Variants in ALDH1L2 observed in about 807,000 individuals in gnomAD.
The protein encoded by ALDH1L2 is aldehyde dehydrogenase 1 family member L2.
In ALDH1L2, 91 loss-of-function variants were observed where a neutral mutation model predicts 111.0. The observed-to-expected ratio is 0.82, with a 90% CI of 0.69 to 0.98. The LOEUF (loss-of-function observed/expected upper bound fraction) is 0.98. ALDH1L2 is among the 50% of genes least tolerant of loss of function. ALDH1L2 has a pLI of 0.00. For missense variants in ALDH1L2, 995 were observed against 1,126.8 expected (o/e 0.88, Z 1.67); for synonymous variants, 374 against 392.6 (o/e 0.95, Z 0.56).
chr12:105,065,384 C>T, intron 5 of ALDH1L2, 28 bp from the exon 6 acceptor site: 1 of 1,584,154 alleles, frequency 6.3e-7, no homozygotes, highest in South Asian at 1.1e-5. Context: ...ACAGGCTGAG[C>T]CTCCTATGGC....
intron 1 of ALDH1L2, 137 bp downstream of exon 1, chr12:105,084,252 T>C: frequency 3.8e-6 from 4 of 1,062,686 alleles, no homozygotes; most frequent in Non-Finnish European, 5.1e-6. Context: ...GTTTGTTTGT[T>C]TTAAACGCTG....
At chr12:105,066,055 C>T (rs1294476883) in intron 5 of ALDH1L2, among the ~76,000 whole-genome samples, 1 of 152,064 alleles carries the variant, frequency 6.6e-6, no homozygotes, top group Non-Finnish European at 1.5e-5. Flanking sequence ...CTCAAGTGAT[C>T]CTCCTCCCTC....
intron 21 of ALDH1L2, among the ~76,000 whole-genome samples, chr12:105,028,643 A>G (rs1005185601): frequency 1.3e-5 from 2 of 152,254 alleles, no homozygotes; most frequent in African/African-American, 4.8e-5. Context: ...TTCTTGATGC[A>G]TTGCATATGG....
At chr12:105,064,119 T>TA (rs1877197481) in intron 6 of ALDH1L2, among the ~76,000 whole-genome samples, 1 of 15,470 alleles carries the variant, frequency 6.5e-5, no homozygotes, top group Admixed American at 1.1e-3. Flanking sequence ...CCGAGCTTTT[T>TA]TTTTTTTTTT....
At chr12:105,063,844 T>C (rs1219471794) in intron 6 of ALDH1L2, among the ~76,000 whole-genome samples, 1 of 152,176 alleles carries the variant, frequency 6.6e-6, no homozygotes, top group African/African-American at 2.4e-5. Flanking sequence ...TGCATTATTA[T>C]TGCACTTCTA....
At chr12:105,036,329 A>T (rs866666760) in intron 18 of ALDH1L2, among the ~76,000 whole-genome samples, 5 of 73,264 alleles carry the variant, frequency 6.8e-5, no homozygotes, top group Admixed American at 3.6e-4. Context: ...GTGTATATAT[A>T]TTATATATAC....
At position 105,030,331 on chromosome 12, in the gene ALDH1L2, G is replaced by A. The variant is rs200820370; in HGVS notation, c.2509C>T (p.Gln837Ter). ...TGTGTCTGAAGAACCTACCCATTTT[G>A]GAATTTAGAAATGACCATAATAGGC... Reference protein sequence around the residue: ...FGPIMVISKFQNGDIDGVLQR... With the variant: ...FGPIMVISKF The change falls in exon 21 of 23, where the codon CAA (glutamine) becomes TAA (stop). Residue 837 changes from glutamine (Q) to a stop codon, truncating the protein, a stop_gained. Transcript: ENST00000258494. LOFTEE classifies it high-confidence loss of function. 1.3e-4 allele frequency: 217 copies of A among 1,607,522 alleles called. No homozygotes were observed. The highest frequency in any genetic ancestry group is 1.7e-4 in the Non-Finnish European group (205 of 1,177,294).
chr12:105,061,152 C>A, intron 8 of ALDH1L2, 80 bp from the exon 9 acceptor site: 2 of 1,200,630 alleles, frequency 1.7e-6, no homozygotes, highest in Admixed American at 1.8e-5. Context: ...TTCACCAAAC[C>A]AATTCCCTCT....
intron 10 of ALDH1L2, among the ~76,000 whole-genome samples, chr12:105,057,272 C>T (rs1444468595): frequency 1.3e-5 from 2 of 151,884 alleles, no homozygotes; most frequent in Admixed American, 6.6e-5. Flanking sequence ...CAAATATTGG[C>T]GAGGATATGG....
chr12:105,066,423 C>T (rs1317320568), intron 5 of ALDH1L2, 145 bp downstream of exon 5: 6 of 667,330 alleles, frequency 9.0e-6, no homozygotes, highest in East Asian at 2.8e-5. Context: ...CCCTCTCCTG[C>T]GTATGTCTGG....
chr12:105,077,601 C>A (rs963974143), intron 1 of ALDH1L2, among the ~76,000 whole-genome samples: 1 of 152,042 alleles, frequency 6.6e-6, no homozygotes, highest in Non-Finnish European at 1.5e-5. Flanking sequence ...AGAGAACATT[C>A]TTCACTAGAG....
At chr12:105,030,982 C>T (rs1230143696) in intron 20 of ALDH1L2, among the ~76,000 whole-genome samples, 1 of 152,138 alleles carries the variant, frequency 6.6e-6, no homozygotes, top group Non-Finnish European at 1.5e-5. Flanking sequence ...TAAAACATTT[C>T]CCCATTTTGT....
chr12:105,066,689 C>T lies in ALDH1L2; in HGVS notation c.595-20G>A. On this transcript the variant is annotated intron_variant, in intron 4 of 22. Coordinates refer to ENST00000258494, the MANE Select transcript of ALDH1L2 (RefSeq NM_001034173.4). ...TTCTACCTAAGGCCAAAGACATCAC[C>T]TGTGTTACAGCCCAATGATCAACAA... 12 of 1,601,388 alleles carry T rather than the reference C, an allele frequency of 7.5e-6. No homozygotes were observed. The highest frequency in any genetic ancestry group is 1.0e-5 in the Non-Finnish European group (12 of 1,168,600).
At chr12:105,067,709 A>G (rs1877454898) in intron 4 of ALDH1L2, among the ~76,000 whole-genome samples, 1 of 151,942 alleles carries the variant, frequency 6.6e-6, no homozygotes, top group Admixed American at 6.6e-5. Flanking sequence ...TGACCAACCC[A>G]CCCAAGAGCA....
intron 21 of ALDH1L2, among the ~76,000 whole-genome samples, chr12:105,027,040 T>G (rs1467712893): frequency 1.3e-5 from 2 of 152,204 alleles, no homozygotes; most frequent in Non-Finnish European, 2.9e-5. Context: ...CAGCTAATTT[T>G]TAAAAAAATT....
At chr12:105,042,713 TATAG>T (rs1222302268) in intron 15 of ALDH1L2, among the ~76,000 whole-genome samples, 1 of 152,252 alleles carries the variant, frequency 6.6e-6, no homozygotes, top group Non-Finnish European at 1.5e-5. Flanking sequence ...TCCCATGTTC[TATAG>T]ATAATTTCAT....
rs1877535326 is a variant in ALDH1L2, at chr12:105,069,050, C to T, written c.429-166G>A. On this transcript the variant is annotated intron_variant, in intron 3 of 22. Transcript: ENST00000258494. ...GGGAGACGTCAGGGCTCATAAAAAG[C>T]AGTGCCTAATGGTACTGCTATTTTA... Among the ~76,000 whole-genome samples, 3 of 152,160 alleles carry T rather than the reference C, an allele frequency of 2.0e-5. No individual in the cohort carries two copies. The South Asian group carries it at 6.2e-4, about 32-fold the overall frequency.
rs148873679 is a variant in ALDH1L2, at chr12:105,070,798, G to T, written c.200C>A (p.Ala67Asp). 6.2e-7 allele frequency: 1 copy of T among 1,609,264 alleles called. No homozygotes were observed. Among genetic ancestry groups the T allele is most frequent in the East Asian group, 2.2e-5 (1 of 44,868 alleles). Residue 67 changes from alanine to aspartate, a missense_variant, in exon 3 of 23, where the codon GCT (alanine) becomes GAT (aspartate). Ala to Asp is a moderately radical substitution (Grantham distance 126). Coordinates refer to ENST00000258494, the MANE Select transcript of ALDH1L2 (RefSeq NM_001034173.4). ...CACAGGGGTCCCATCTTTCTCTGCA[G>T]CCAAAGCTGAGCATAAAAAAGAAGA... ...KDGKADPLAL[A>D]AEKDGTPVFK...
At chr12:105,068,617 A>T (rs145605619) in intron 4 of ALDH1L2, 102 bp downstream of exon 4, 1 of 1,174,180 alleles carries the variant, frequency 8.5e-7, no homozygotes, top group Non-Finnish European at 1.1e-6. Flanking sequence ...TTTAAACTTT[A>T]TATTTTTGGT....
Sources: allele counts gnomAD v4.1 joint callset (sites outside exome capture counted in the v4.1 genomes callset), GRCh38; gene constraint gnomAD v4.1.1; transcripts MANE v1.5; gene names NCBI Gene and HGNC (gene_info 2026-07-23, HGNC 2026-07-21).